The following LPCAT1 variants were observed in gnomAD, a reference collection of about 807,000 sequenced individuals.
The protein encoded by LPCAT1 is 1-acylglycerol-3-phosphate O-acyltransferase.
LPCAT1 carries 23 observed loss-of-function variants against 60.9 expected under a neutral mutation model. That is an observed-to-expected ratio of 0.38 (90% CI 0.27 to 0.53). LPCAT1 has a LOEUF of 0.53. LPCAT1 is among the 20% of genes least tolerant of loss of function. LPCAT1 has a pLI of 0.82. For synonymous variants in LPCAT1, 340 were observed against 301.1 expected (o/e 1.13, Z -1.34); for missense variants, 622 against 723.6 (o/e 0.86, Z 1.61).
chr5:1,523,771 GC>G lies in LPCAT1; in HGVS notation c.73del (p.Ala25ArgfsTer25). ...CACGAAGGGGTTCCGCCCCGGGGGC[GC>G]CAGCAGCCGAGCGTCGCTGGCCCCT... ...SAGASDARLL[A>X]PPGRNPFVHE... On this transcript the variant is annotated frameshift_variant, in exon 1 of 14. Transcript: ENST00000283415. LOFTEE classifies it high-confidence loss of function. The surrounding 1 kb of genome is among the most constrained non-coding windows in gnomAD (Gnocchi z 7.1). 1 of 1,153,002 alleles carries G rather than the reference GC, an allele frequency of 8.7e-7. No homozygotes were observed. 71.4% of individuals were successfully genotyped at this position (1,153,002 alleles called of 1,614,324 possible).
At chr5:1,508,905 C>A (rs144312903) in intron 1 of LPCAT1, among the ~76,000 whole-genome samples, 80 of 152,384 alleles carry the variant, frequency 5.2e-4, no homozygotes, top group Non-Finnish European at 9.7e-4. Context: ...CCCAGCATCA[C>A]CCGGCGTTTC....
intron 1 of LPCAT1, among the ~76,000 whole-genome samples, chr5:1,506,105 T>C (rs1429636218): frequency 6.6e-6 from 1 of 151,122 alleles, no homozygotes; most frequent in Non-Finnish European, 1.5e-5. Context: ...GAGGGGAGGG[T>C]GGAGAGGGAA....
intron 3 of LPCAT1, among the ~76,000 whole-genome samples, chr5:1,491,424 G>A (rs958215866): frequency 6.6e-6 from 1 of 151,168 alleles, no homozygotes; most frequent in Non-Finnish European, 1.5e-5. Context: ...GATTTCAGAA[G>A]TTGTCTATAA....
At chr5:1,474,208 A>G in intron 10 of LPCAT1, 98 bp from the exon 11 acceptor site, 1 of 1,299,516 alleles carries the variant, frequency 7.7e-7, no homozygotes. Context: ...TAAAATTGAC[A>G]GAAGTAGCAG....
intron 5 of LPCAT1, among the ~76,000 whole-genome samples, chr5:1,485,626 TC>T (rs989014756): frequency 1.3e-5 from 2 of 151,974 alleles, no homozygotes; most frequent in Non-Finnish European, 2.9e-5. Flanking sequence ...ACCCTGACCA[TC>T]CCCCACAGCC....
At position 1,483,763 on chromosome 5, in the gene LPCAT1, G is replaced by A. The variant is rs1735258754; in HGVS notation, c.668-277C>T. On this transcript the variant is annotated intron_variant, in intron 5 of 13. Coordinates refer to ENST00000283415, the MANE Select transcript of LPCAT1 (RefSeq NM_024830.5). This position sits in a 1 kb window ranked among gnomAD's most constrained non-coding sequence, Gnocchi z 9.2. The stretch of plus-strand genomic sequence containing the variant: ...GCACGAGCTGGAAGGCGTCTGTGGA[G>A]GGACACTTGCTATTATAACATTGCG... Among the ~76,000 whole-genome samples, 1 of 151,192 alleles carries A rather than the reference G, an allele frequency of 6.6e-6. No individual in the cohort carries two copies. The highest frequency in any genetic ancestry group is 2.1e-4 in the South Asian group (1 of 4,774).
chr5:1,509,939 T>C (rs1470827242), intron 1 of LPCAT1, among the ~76,000 whole-genome samples: 1 of 152,214 alleles, frequency 6.6e-6, no homozygotes, highest in African/African-American at 2.4e-5. Context: ...GGAGGAGGGA[T>C]GGGCTGCCAG....
At chr5:1,466,960 C>A in intron 12 of LPCAT1, 70 bp from the exon 13 acceptor site, 1 of 1,381,882 alleles carries the variant, frequency 7.2e-7, no homozygotes. Context: ...TCCAGGGACA[C>A]CCCAGCGGCC....
At position 1,521,674 on chromosome 5, in the gene LPCAT1, A is replaced by G. The variant is rs1004619932; in HGVS notation, c.135+2036T>C. 6.6e-6 allele frequency among the ~76,000 whole-genome samples: 1 copy of G among 152,204 alleles called. No homozygotes were observed. The highest frequency in any genetic ancestry group is 2.4e-5 in the African/African-American group (1 of 41,462). On this transcript the variant is annotated intron_variant, in intron 1 of 13. Transcript: ENST00000283415. The surrounding 1 kb of genome is among the most constrained non-coding windows in gnomAD (Gnocchi z 4.3). ...CAGATGGAACCTCTGAAGTGGCAAC[A>G]AAGCAAGCCCCCTCTCTGAGAGGCC... is the stretch of plus-strand genomic sequence containing the variant.
At position 1,521,275 on chromosome 5, in the gene LPCAT1, T is replaced by C. The variant is rs753680199; in HGVS notation, c.135+2435A>G. The C allele has an allele frequency of 1.9e-4, 180 of 953,598 alleles. No homozygotes were observed. Among genetic ancestry groups the C allele is most frequent in the Non-Finnish European group, 2.2e-4 (175 of 801,210 alleles). The allele number at this position is 953,598 out of a possible 1,614,324, so 59.1% of individuals were successfully genotyped here. ...GGCTGGAGGAGGAGGTGTCCCCGCA[T>C]GGCGCTAATCCGAAGACACACAGCA... On this transcript the variant is annotated intron_variant, in intron 1 of 13. Coordinates refer to ENST00000283415, the MANE Select transcript of LPCAT1 (RefSeq NM_024830.5). The surrounding 1 kb of genome is among the most constrained non-coding windows in gnomAD (Gnocchi z 4.3).
At chr5:1,475,590 C>T (rs1734872906) in intron 9 of LPCAT1, among the ~76,000 whole-genome samples, 1 of 152,274 alleles carries the variant, frequency 6.6e-6, no homozygotes, top group Non-Finnish European at 1.5e-5. Flanking sequence ...TGCGCTCTGC[C>T]ACCCTGGGGT....
At chr5:1,479,350 G>T in intron 8 of LPCAT1, 1 of 494,872 alleles carries the variant, frequency 2.0e-6, no homozygotes, top group Non-Finnish European at 3.6e-6. Context: ...ACTCCAGCCT[G>T]GGCAACAGAG....
At chr5:1,519,089 A>G (rs1736594479) in intron 1 of LPCAT1, among the ~76,000 whole-genome samples, 1 of 152,268 alleles carries the variant, frequency 6.6e-6, no homozygotes, top group African/African-American at 2.4e-5. Context: ...TGCTGACAAT[A>G]TAAGATAAAG....
intron 11 of LPCAT1, among the ~76,000 whole-genome samples, chr5:1,473,269 C>T (rs1280391140): frequency 2.0e-5 from 3 of 152,256 alleles, no homozygotes; most frequent in Admixed American, 6.5e-5. Context: ...CACACCCTGG[C>T]GTATCACCAG....
intron 1 of LPCAT1, among the ~76,000 whole-genome samples, chr5:1,507,991 G>C (rs10045542): frequency 0.026 from 3,985 of 152,286 alleles, 169 homozygotes; most frequent in African/African-American, 0.092. Flanking sequence ...CGCACCAGAG[G>C]CCCGAGGGAG....
intron 12 of LPCAT1, among the ~76,000 whole-genome samples, chr5:1,469,198 T>C (rs1035982137): frequency 3.3e-5 from 5 of 152,124 alleles, no homozygotes; most frequent in African/African-American, 1.2e-4. Context: ...AGGTGGTCAC[T>C]GTAGGGCAGC....
chr5:1,519,521 C>T lies in LPCAT1; in HGVS notation c.135+4189G>A, dbSNP rs373327987. ...GGAAAATTAGACAGGATTACAGGAA[C>T]GCTCTCGATGACTTTGAGAAAAAAG... On this transcript the variant is annotated intron_variant, in intron 1 of 13. Transcript: ENST00000283415. Among the ~76,000 whole-genome samples, 16 of 152,340 alleles carry T rather than the reference C, an allele frequency of 1.1e-4. 1 individual carries two copies. In the East Asian group the frequency reaches 1.5e-3, roughly 15 times the overall value.
At chr5:1,504,713 C>T (rs1205189474) in intron 1 of LPCAT1, among the ~76,000 whole-genome samples, 1 of 80,282 alleles carries the variant, frequency 1.2e-5, no homozygotes, top group African/African-American at 8.9e-5. Context: ...AATCTCCGTC[C>T]CAAAAAAAAA....
chr5:1,517,370 C>T (rs549819074), intron 1 of LPCAT1, among the ~76,000 whole-genome samples: 1 of 152,324 alleles, frequency 6.6e-6, no homozygotes, highest in Admixed American at 6.5e-5. Flanking sequence ...GACAGGTGAC[C>T]TCGTGGAAGC....
Sources: gnomAD v4.1 joint callset for allele counts (sites outside exome capture counted in the v4.1 genomes callset) on GRCh38, gnomAD v4.1.1 for gene constraint, Gnocchi (gnomAD v3.1) non-coding constraint, MANE v1.5 for transcripts, NCBI Gene and HGNC (gene_info 2026-07-23, HGNC 2026-07-21) for gene names.